The following PCDHA11 variants were observed in gnomAD, a reference collection of about 807,000 sequenced individuals.
The protein encoded by PCDHA11 is protocadherin alpha-11.
Under a neutral mutation model 70.3 loss-of-function variants are expected in PCDHA11, and 61 were observed. The ratio of observed to expected loss-of-function variants is 0.87; its 90% confidence interval spans 0.71 to 1.07. PCDHA11 has a LOEUF of 1.07. Among genes scored for constraint, PCDHA11 ranks in the 50% least tolerant of loss-of-function variants. The pLI, the probability that PCDHA11 is intolerant of heterozygous loss-of-function variation, is 0.00. For synonymous variants in PCDHA11, 633 were observed against 555.1 expected (o/e 1.14, Z -1.97); for missense variants, 1,324 against 1,237.5 (o/e 1.07, Z -1.05).
chr5:140,906,076 C>T (rs541119722), intron 1 of PCDHA11, among the ~76,000 whole-genome samples: 2 of 152,326 alleles, frequency 1.3e-5, no homozygotes, highest in African/African-American at 4.8e-5. Context: ...AGATCGCACC[C>T]ACCCAGACTG....
intron 1 of PCDHA11, among the ~76,000 whole-genome samples, chr5:140,921,390 T>G (rs2080194479): frequency 6.6e-6 from 1 of 152,164 alleles, no homozygotes; most frequent in Non-Finnish European, 1.5e-5. Context: ...TTGATAAACA[T>G]TCACACTAGA....
At chr5:140,907,099 C>T (rs2073164781) in intron 1 of PCDHA11, among the ~76,000 whole-genome samples, 1 of 152,108 alleles carries the variant, frequency 6.6e-6, no homozygotes, top group Admixed American at 6.5e-5. Flanking sequence ...GGTGCCACTT[C>T]CACTTCCACC....
At chr5:140,905,092 CAGTCATGAA>C (rs1554191919) in intron 1 of PCDHA11, among the ~76,000 whole-genome samples, 5 of 152,092 alleles carry the variant, frequency 3.3e-5, no homozygotes, top group African/African-American at 1.2e-4. Flanking sequence ...TTTGGGTTCT[CAGTCATGAA>C]TTGTTTGCCT....
At chr5:140,882,987 CG>C in intron 1 of PCDHA11, 1 of 1,614,110 alleles carries the variant, frequency 6.2e-7, no homozygotes, top group South Asian at 1.1e-5. Flanking sequence ...GACAACGCCC[CG>C]GAATTTTACC....
intron 1 of PCDHA11, among the ~76,000 whole-genome samples, chr5:140,924,441 G>A (rs144532137): frequency 1.3e-5 from 2 of 152,274 alleles, no homozygotes; most frequent in African/African-American, 4.8e-5. Context: ...AAGAGATAAC[G>A]AATGGGTTTG....
intron 3 of PCDHA11, among the ~76,000 whole-genome samples, chr5:141,007,295 A>G (rs181235064): frequency 1.6e-3 from 250 of 151,912 alleles, no homozygotes; most frequent in Non-Finnish European, 2.9e-3. Context: ...TCATGCCTGT[A>G]ATCTTAGCAT....
chr5:140,926,906 G>A (rs781809570), intron 1 of PCDHA11: 1 of 1,559,584 alleles, frequency 6.4e-7, no homozygotes, highest in Admixed American at 1.8e-5. Context: ...GTGGGCTGTG[G>A]GGTGGCAGTT....
chr5:140,945,560 C>T (rs1321626108), intron 1 of PCDHA11, among the ~76,000 whole-genome samples: 3 of 151,960 alleles, frequency 2.0e-5, no homozygotes, highest in Non-Finnish European at 2.9e-5. Context: ...AAGCTGAAGA[C>T]ATCATACTAC....
intron 1 of PCDHA11, among the ~76,000 whole-genome samples, chr5:140,946,597 T>A (rs952488909): frequency 1.5e-5 from 2 of 137,412 alleles, no homozygotes; most frequent in Admixed American, 7.5e-5. Context: ...GATGAATAGA[T>A]AAAGAAAATG....
chr5:141,006,789 CT>C (rs2098288759), intron 3 of PCDHA11, among the ~76,000 whole-genome samples: 2 of 152,026 alleles, frequency 1.3e-5, no homozygotes, highest in Admixed American at 6.5e-5. Flanking sequence ...GAATAATTAG[CT>C]TTGAACTTTC....
chr5:140,997,713 T>C (rs2097782364), intron 3 of PCDHA11, among the ~76,000 whole-genome samples: 1 of 151,942 alleles, frequency 6.6e-6, no homozygotes, highest in African/African-American at 2.4e-5. Flanking sequence ...AACAAACACC[T>C]TTCTACGTCA....
chr5:140,967,684 G>A (rs1404001288), intron 1 of PCDHA11: 2 of 1,614,074 alleles, frequency 1.2e-6, no homozygotes, highest in Non-Finnish European at 8.5e-7. Context: ...GGGAGAGGCA[G>A]CTCTTCAGCA....
At chr5:140,920,388 T>C (rs1237249131) in intron 1 of PCDHA11, among the ~76,000 whole-genome samples, 1 of 152,214 alleles carries the variant, frequency 6.6e-6, no homozygotes, top group Non-Finnish European at 1.5e-5. Context: ...CATATTACCA[T>C]CTGGTGTCTT....
chr5:140,966,515 G>A, intron 1 of PCDHA11: 1 of 436,996 alleles, frequency 2.3e-6, no homozygotes, highest in East Asian at 3.5e-5. Context: ...AGCAGCAGCA[G>A]GAAGCCGAGC....
chr5:140,928,637 A>C (rs781828981), intron 1 of PCDHA11: 1 of 1,614,202 alleles, frequency 6.2e-7, no homozygotes, highest in South Asian at 1.1e-5. Context: ...TTGGTCACAA[A>C]AGTGGTAGCA....
intron 1 of PCDHA11, among the ~76,000 whole-genome samples, chr5:140,971,036 G>A (rs919714179): frequency 2.0e-5 from 3 of 152,204 alleles, no homozygotes; most frequent in Non-Finnish European, 2.9e-5. Context: ...TTGAAAGCAC[G>A]TAAAAGGGTT....
intron 1 of PCDHA11, among the ~76,000 whole-genome samples, chr5:140,893,161 G>A (rs2063850346): frequency 6.6e-6 from 1 of 152,160 alleles, no homozygotes; most frequent in African/African-American, 2.4e-5. Context: ...TGGATATTGA[G>A]GTTGATTCCA....
chr5:140,946,277 A>G (rs1055326524), intron 1 of PCDHA11, among the ~76,000 whole-genome samples: 5 of 152,186 alleles, frequency 3.3e-5, no homozygotes, highest in Admixed American at 1.3e-4. Context: ...TAAAACCCCA[A>G]TGAGATATCA....
intron 1 of PCDHA11, chr5:140,875,239 A>G (rs1008116554): frequency 1.1e-6 from 1 of 915,946 alleles, no homozygotes; most frequent in Non-Finnish European, 1.5e-6. Flanking sequence ...TCTTGTACTT[A>G]CATAATCAGT....
Sources: allele counts gnomAD v4.1 joint callset (sites outside exome capture counted in the v4.1 genomes callset), GRCh38; gene constraint gnomAD v4.1.1; transcripts MANE v1.5; gene names NCBI Gene and HGNC (gene_info 2026-07-23, HGNC 2026-07-21).